ATP1B2: variants seen among roughly 807,000 people sequenced by gnomAD.
The protein encoded by ATP1B2 is sodium/potassium-transporting ATPase subunit beta-2.
ATP1B2 carries 12 observed loss-of-function variants against 37.3 expected under a neutral mutation model. That is an observed-to-expected ratio of 0.32 (90% CI 0.21 to 0.52). ATP1B2 has a LOEUF of 0.52. Ranked by LOEUF, ATP1B2 falls within the 20% of genes least tolerant of loss-of-function variation. ATP1B2 has a pLI of 0.96. For missense variants in ATP1B2, 324 were observed against 391.6 expected, an observed-to-expected ratio of 0.83 and a Z score of 1.46; for synonymous variants, 139 against 140.5, an observed-to-expected ratio of 0.99 and a Z score of 0.07.
chr17:7,654,700 C>T lies in ATP1B2; in HGVS notation c.609+16C>T, dbSNP rs1017623626. The T allele has an allele frequency of 5.6e-6, 9 of 1,613,900 alleles. No homozygotes were observed. Among genetic ancestry groups the T allele is most frequent in the Non-Finnish European group, 7.6e-6 (9 of 1,179,796 alleles). On this transcript the variant is annotated intron_variant, in intron 5 of 6. Transcript: ENST00000250111. The surrounding 1 kb of genome is among the most constrained non-coding windows in gnomAD (Gnocchi z 4.9). ...TGCTGGGAAGGTGAGTTCGTTGGGC[C>T]TTGTCTGCCTGCTCACCTGAGTGGC...
intron 1 of ATP1B2, 28 bp from the exon 2 acceptor site, chr17:7,653,346 C>G (rs1472992090): frequency 1.9e-6 from 3 of 1,613,470 alleles, no homozygotes; most frequent in Non-Finnish European, 2.5e-6. Flanking sequence ...AACCTTGGGC[C>G]CTGCTGACCC....
At position 7,657,567 on chromosome 17, in the gene ATP1B2, A is replaced by G. The variant is rs889126457; in HGVS notation, c.*1672A>G. 6.6e-6 allele frequency: 1 copy of G among 151,814 alleles called. No homozygotes were observed. Among genetic ancestry groups the G allele is most frequent in the Non-Finnish European group, 1.5e-5 (1 of 67,912 alleles). 9.4% of individuals were successfully genotyped at this position (151,814 alleles called of 1,614,324 possible). A position where few individuals can be genotyped will look rare whatever the true frequency, so the allele number is the denominator to read the frequency against. ...TTCTTTTTTTAATGCTGCAGCCTCC[A>G]CACTCCACCCACAGGTGGACCCTTC... On this transcript the variant is annotated 3_prime_UTR_variant, in exon 7 of 7. Coordinates refer to ENST00000250111, the MANE Select transcript of ATP1B2 (RefSeq NM_001678.5).
chr17:7,654,705 C>T lies in ATP1B2; in HGVS notation c.609+21C>T. 1 of 1,613,790 alleles carries T rather than the reference C, an allele frequency of 6.2e-7. No homozygotes were observed. The highest frequency in any genetic ancestry group is 8.5e-7 in the Non-Finnish European group (1 of 1,179,662). ...GGAAGGTGAGTTCGTTGGGCCTTGT[C>T]TGCCTGCTCACCTGAGTGGCTCACC... is the stretch of plus-strand genomic sequence containing the variant. On this transcript the variant is annotated intron_variant, in intron 5 of 6. Coordinates refer to ENST00000250111, the MANE Select transcript of ATP1B2 (RefSeq NM_001678.5). The surrounding 1 kb of genome is among the most constrained non-coding windows in gnomAD (Gnocchi z 4.9).
upstream of ATP1B2, among the ~76,000 whole-genome samples, chr17:7,648,501 A>C (rs2072588424): frequency 7.4e-6 from 1 of 135,454 alleles, no homozygotes; most frequent in Admixed American, 8.4e-5. Flanking sequence ...CTGGAGGCAG[A>C]GGCTGCAGTG....
chr17:7,652,416 G>A lies in ATP1B2; in HGVS notation c.112+786G>A, dbSNP rs531819943. Among the ~76,000 whole-genome samples, 8 of 152,190 alleles carry A rather than the reference G, an allele frequency of 5.3e-5. No individual in the cohort carries two copies. In the East Asian group the frequency reaches 1.5e-3, roughly 29 times the overall value. On this transcript the variant is annotated intron_variant, in intron 1 of 6. Coordinates refer to ENST00000250111, the MANE Select transcript of ATP1B2 (RefSeq NM_001678.5). Reference sequence around the variant, plus strand: ...GGGTGGAATTCTTCCAAGAGGGATGGTCAAGCTGGGACGTTGAGACACAGG... The same window carrying A: ...GGGTGGAATTCTTCCAAGAGGGATGATCAAGCTGGGACGTTGAGACACAGG...
chr17:7,651,310 C>T lies in ATP1B2; in HGVS notation c.-209C>T. The T allele has an allele frequency of 7.0e-6, 4 of 574,886 alleles. No individual in the cohort carries two copies. The highest frequency in any genetic ancestry group is 2.0e-5 in the South Asian group (1 of 50,830). The allele number at this position is 574,886 out of a possible 1,614,324, so 35.6% of individuals were successfully genotyped here. On this transcript the variant is annotated 5_prime_UTR_variant, in exon 1 of 7. Transcript: ENST00000250111. ...TCATCGCAGTTGGGGGGCCTAGGATCGGTGCATCTTCCGCCGCGCTGCCAG... is the reference window on the plus strand; with the variant it reads ...TCATCGCAGTTGGGGGGCCTAGGATTGGTGCATCTTCCGCCGCGCTGCCAG...
rs1332247509 is a variant in ATP1B2, at chr17:7,656,411, C to T, written c.*516C>T. The T allele has an allele frequency of 6.3e-6, 1 of 158,328 alleles. No homozygotes were observed. The highest frequency in any genetic ancestry group is 1.8e-4 in the East Asian group (1 of 5,424). The allele number at this position is 158,328 out of a possible 1,614,324, so 9.8% of individuals were successfully genotyped here. A position where few individuals can be genotyped will look rare whatever the true frequency, so the allele number is the denominator to read the frequency against. On this transcript the variant is annotated 3_prime_UTR_variant, in exon 7 of 7. Transcript: ENST00000250111. ...TTCTCCCTGTCTACACAGTCGCCAT[C>T]TTGGTGACTTTGAATTTATCTGGCT...
chr17:7,655,562 C>T lies in ATP1B2; in HGVS notation c.645C>T (p.Val215=). The part of the protein sequence containing the change: ...DEDAENLGNF[V]MFPANGNIDL... ...ATGCTGAGAATCTCGGCAACTTCGT[C>T]ATGTTCCCCGCCAACGGCAACATCG... The change falls in exon 6 of 7, where the codon GTC becomes GTT. Residue 215 remains valine, a synonymous_variant. Coordinates refer to ENST00000250111, the MANE Select transcript of ATP1B2 (RefSeq NM_001678.5). This position sits in a 1 kb window ranked among gnomAD's most constrained non-coding sequence, Gnocchi z 4.4. 1 of 1,614,180 alleles carries T rather than the reference C, an allele frequency of 6.2e-7. No individual in the cohort carries two copies. Among genetic ancestry groups the T allele is most frequent in the Non-Finnish European group, 8.5e-7 (1 of 1,180,036 alleles).
In ATP1B2 at chr17:7,655,801, A is replaced by C; in HGVS notation, c.779A>C (p.Glu260Ala). ...NVTPNVEVNV[E>A]CRINAANIAT... ...ACCCCCAACGTGGAGGTGAATGTAG[A>C]ATGTCGCATCAACGCCGCCAACATC... Residue 260 changes from glutamate (E) to alanine (A), a missense_variant, in exon 7 of 7, where the codon GAA (glutamate) becomes GCA (alanine). Transcript: ENST00000250111. This position sits in a 1 kb window ranked among gnomAD's most constrained non-coding sequence, Gnocchi z 4.4. The C allele has an allele frequency of 6.2e-7, 1 of 1,614,098 alleles. No homozygotes were observed. Among genetic ancestry groups the C allele is most frequent in the Non-Finnish European group, 8.5e-7 (1 of 1,180,024 alleles).
upstream of ATP1B2, among the ~76,000 whole-genome samples, chr17:7,647,981 C>G (rs2072585284): frequency 6.6e-6 from 1 of 152,084 alleles, no homozygotes; most frequent in African/African-American, 2.4e-5. Flanking sequence ...CTTGTGATTT[C>G]AGCACTTTGG....
At position 7,656,868 on chromosome 17, in the gene ATP1B2, T is replaced by C. The variant is rs2072657718; in HGVS notation, c.*973T>C. On this transcript the variant is annotated 3_prime_UTR_variant, in exon 7 of 7. Transcript: ENST00000250111. ...TTTTTTTTGCATTTTTTAGTAGAGA[T>C]GGGGGTTTCTCCTTGTTGGTCAGGC... 6.9e-6 allele frequency: 1 copy of C among 145,572 alleles called. No individual in the cohort carries two copies. The highest frequency in any genetic ancestry group is 2.1e-4 in the South Asian group (1 of 4,666). The allele number at this position is 145,572 out of a possible 1,614,324, so 9.0% of individuals were successfully genotyped here.
intron 1 of ATP1B2, 142 bp downstream of exon 1, chr17:7,651,772 G>A: frequency 1.4e-6 from 1 of 696,814 alleles, no homozygotes; most frequent in Non-Finnish European, 2.2e-6. Flanking sequence ...CTGGGAGGGG[G>A]CCGAATCGCC....
chr17:7,651,132 G>T lies in ATP1B2; in HGVS notation c.-387G>T. The T allele has an allele frequency of 9.0e-6, 2 of 222,074 alleles. No individual in the cohort carries two copies. The highest frequency in any genetic ancestry group is 1.8e-5 in the Non-Finnish European group (2 of 110,202). The allele number at this position is 222,074 out of a possible 1,614,324, so 13.8% of individuals were successfully genotyped here. A position where few individuals can be genotyped will look rare whatever the true frequency, so the allele number is the denominator to read the frequency against. On this transcript the variant is annotated 5_prime_UTR_variant, in exon 1 of 7. Coordinates refer to ENST00000250111, the MANE Select transcript of ATP1B2 (RefSeq NM_001678.5). ...CTCCCCCACCTCTCTCTGCCTTTTT[G>T]TACCCCGCTTTTTTTCTGCGTTCTG...
upstream of ATP1B2, among the ~76,000 whole-genome samples, chr17:7,650,425 G>C (rs1624085): frequency 0.46 from 69,978 of 151,930 alleles, 18,416 homozygotes; most frequent in Non-Finnish European, 0.57. Flanking sequence ...TCTGGGGGTG[G>C]CCTTTATCCA....
Position 7,654,376 on chromosome 17 carries a change from G to C in ATP1B2, c.552+119G>C, listed in dbSNP as rs150813046. 2.0e-4 allele frequency: 258 copies of C among 1,269,592 alleles called. No homozygotes were observed. The highest frequency in any genetic ancestry group is 2.6e-4 in the Non-Finnish European group (230 of 899,966). 78.6% of individuals were successfully genotyped at this position (1,269,592 alleles called of 1,614,324 possible). A position where few individuals can be genotyped will look rare whatever the true frequency, so the allele number is the denominator to read the frequency against. ...TGAGAAAGACTTGGATGTTTGTGTAGCTGAGAGAAAAAGAGAGGTGGGACT... is the reference window on the plus strand; with the variant it reads ...TGAGAAAGACTTGGATGTTTGTGTACCTGAGAGAAAAAGAGAGGTGGGACT... On this transcript the variant is annotated intron_variant, in intron 4 of 6. Coordinates refer to ENST00000250111, the MANE Select transcript of ATP1B2 (RefSeq NM_001678.5). This position sits in a 1 kb window ranked among gnomAD's most constrained non-coding sequence, Gnocchi z 4.9.
Position 7,654,763 on chromosome 17 carries a change from C to G in ATP1B2, c.609+79C>G. ...CCTTCATGGTTTCTGTGTAATTCAC[C>G]TGTCTCTCCCTATCTTCTTTGCTCC... On this transcript the variant is annotated intron_variant, in intron 5 of 6. Coordinates refer to ENST00000250111, the MANE Select transcript of ATP1B2 (RefSeq NM_001678.5). The surrounding 1 kb of genome is among the most constrained non-coding windows in gnomAD (Gnocchi z 4.9). The G allele has an allele frequency of 6.7e-7, 1 of 1,500,946 alleles. No homozygotes were observed. Among genetic ancestry groups the G allele is most frequent in the Middle Eastern group, 1.7e-4 (1 of 5,856 alleles). 93.0% of individuals were successfully genotyped at this position (1,500,946 alleles called of 1,614,324 possible). A position where few individuals can be genotyped will look rare whatever the true frequency, so the allele number is the denominator to read the frequency against.
chr17:7,651,358 C>A lies in ATP1B2; in HGVS notation c.-161C>A. ...CAGCACCCCGCAGCGCGTGGTCGTG[C>A]ACCCCGGAATCTGCAGCAGCTGCAT... On this transcript the variant is annotated 5_prime_UTR_variant, in exon 1 of 7. Coordinates refer to ENST00000250111, the MANE Select transcript of ATP1B2 (RefSeq NM_001678.5). 1 of 650,862 alleles carries A rather than the reference C, an allele frequency of 1.5e-6. No individual in the cohort carries two copies. Among genetic ancestry groups the A allele is most frequent in the Non-Finnish European group, 2.7e-6 (1 of 372,748 alleles). The allele number at this position is 650,862 out of a possible 1,614,324, so 40.3% of individuals were successfully genotyped here.
Position 7,653,825 on chromosome 17 carries a change from C to T in ATP1B2, c.242-16C>T. Reference sequence around the variant, plus strand: ...ATCTTATAGATACCCCCAACTTCTGCCTTTGTTGGCTGTAGGCTTGATGAT... The same window carrying T: ...ATCTTATAGATACCCCCAACTTCTGTCTTTGTTGGCTGTAGGCTTGATGAT... On this transcript the variant is annotated splice_polypyrimidine_tract_variant and intron_variant, in intron 2 of 6. Transcript: ENST00000250111. 1 of 1,612,878 alleles carries T rather than the reference C, an allele frequency of 6.2e-7. No individual in the cohort carries two copies. Among genetic ancestry groups the T allele is most frequent in the Non-Finnish European group, 8.5e-7 (1 of 1,179,040 alleles).
chr17:7,655,539 G>C lies in ATP1B2; in HGVS notation c.622G>C (p.Ala208Pro). The C allele has an allele frequency of 6.2e-7, 1 of 1,614,160 alleles. No homozygotes were observed. Among genetic ancestry groups the C allele is most frequent in the East Asian group, 2.2e-5 (1 of 44,872 alleles). The change falls in exon 6 of 7, where the codon GCT becomes CCT. Residue 208 changes from alanine to proline, a missense_variant. Physicochemically the swap from Ala to Pro is conservative, Grantham distance 27. Coordinates refer to ENST00000250111, the MANE Select transcript of ATP1B2 (RefSeq NM_001678.5). The surrounding 1 kb of genome is among the most constrained non-coding windows in gnomAD (Gnocchi z 4.4). ...TGCACCCCCACAGCGAGATGAAGATGCTGAGAATCTCGGCAACTTCGTCAT... is the reference window on the plus strand; with the variant it reads ...TGCACCCCCACAGCGAGATGAAGATCCTGAGAATCTCGGCAACTTCGTCAT... ...VTCAGKRDEDAENLGNFVMFP... is the reference protein window; with the variant it reads ...VTCAGKRDEDPENLGNFVMFP...
Sources: allele counts gnomAD v4.1 joint callset (sites outside exome capture counted in the v4.1 genomes callset), GRCh38; gene constraint gnomAD v4.1.1; non-coding constraint Gnocchi (gnomAD v3.1); transcripts MANE v1.5; gene names NCBI Gene and HGNC (gene_info 2026-07-23, HGNC 2026-07-21).